Variants in CSMD1 observed in about 807,000 individuals in gnomAD.
CSMD1 encodes CUB and sushi domain-containing protein 1.
CSMD1 carries 213 observed loss-of-function variants against 417.5 expected under a neutral mutation model. The observed-to-expected ratio is 0.51, with a 90% confidence interval of 0.46 to 0.57. The LOEUF is 0.57. CSMD1 is among the 20% of genes least tolerant of loss of function. The pLI, the probability that CSMD1 is intolerant of heterozygous loss-of-function variation, is 0.00. For synonymous variants in CSMD1, 2,862 were observed against 1,736.8 expected, an observed-to-expected ratio of 1.65 and a Z score of -16.11; for missense variants, 6,923 against 4,529.7, an observed-to-expected ratio of 1.53 and a Z score of -15.17.
intron 3 of CSMD1, among the ~76,000 whole-genome samples, chr8:4,335,853 T>A (rs188518671): frequency 6.6e-6 from 1 of 152,050 alleles, no homozygotes; most frequent in African/African-American, 2.4e-5. Flanking sequence ...GTATCTAAGC[T>A]GGGGAGAACA....
At chr8:2,964,452 CT>C in intron 59 of CSMD1, among the ~76,000 whole-genome samples, 1 of 152,258 alleles carries the variant, frequency 6.6e-6, no homozygotes, top group East Asian at 1.9e-4. Context: ...CATGGGTCCC[CT>C]GGGGGCAGGG....
intron 3 of CSMD1, among the ~76,000 whole-genome samples, chr8:4,170,252 T>C (rs1797695187): frequency 6.6e-6 from 1 of 151,882 alleles, no homozygotes; most frequent in Admixed American, 6.5e-5. Context: ...CTTTCTCTTT[T>C]TGAATTACCC....
chr8:4,020,389 T>A (rs1218328181), intron 4 of CSMD1, among the ~76,000 whole-genome samples: 3 of 152,216 alleles, frequency 2.0e-5, no homozygotes, highest in Non-Finnish European at 4.4e-5. Flanking sequence ...ATCCTTAAAC[T>A]GACACTGAGC....
chr8:4,889,758 T>C (rs1194769514), intron 1 of CSMD1, among the ~76,000 whole-genome samples: 1 of 152,102 alleles, frequency 6.6e-6, no homozygotes, highest in Non-Finnish European at 1.5e-5. Flanking sequence ...ACATTATATT[T>C]TATGTATTCT....
At chr8:3,299,830 G>C (rs1306016544) in intron 25 of CSMD1, among the ~76,000 whole-genome samples, 2 of 152,148 alleles carry the variant, frequency 1.3e-5, no homozygotes, top group Non-Finnish European at 2.9e-5. Flanking sequence ...GATTGTTAAG[G>C]ACTGAAAAGC....
intron 3 of CSMD1, among the ~76,000 whole-genome samples, chr8:4,412,544 C>G (rs1341273006): frequency 6.6e-6 from 1 of 152,108 alleles, no homozygotes; most frequent in Non-Finnish European, 1.5e-5. Flanking sequence ...TACCCAGTCT[C>G]CGGTATTTCT....
chr8:2,954,055 G>T (rs1802827952), intron 65 of CSMD1, among the ~76,000 whole-genome samples, 169 bp downstream of exon 65: 1 of 152,204 alleles, frequency 6.6e-6, no homozygotes, highest in Non-Finnish European at 1.5e-5. Flanking sequence ...CCATTGTTGT[G>T]AAATAAACAG....
At position 3,468,748 on chromosome 8, in the gene CSMD1, T is replaced by A. The variant is rs747514744; in HGVS notation, c.1525A>T (p.Ser509Cys). 6.2e-7 allele frequency: 1 copy of A among 1,607,162 alleles called. No individual in the cohort carries two copies. Among genetic ancestry groups the A allele is most frequent in the Non-Finnish European group, 8.5e-7 (1 of 1,176,958 alleles). Reference sequence around the variant, plus strand: ...GCTTTAAACCCAGGTGAGCCAATGCTATCATCCGACTGCAGATGTAGCCAC... The same window carrying A: ...GCTTTAAACCCAGGTGAGCCAATGCAATCATCCGACTGCAGATGTAGCCAC... ...QMWLHLQSDD[S>C]IGSPGFKAVY... is the part of the protein sequence containing the mutation. The change falls in exon 12 of 70, where the codon AGC becomes TGC. Residue 509 changes from serine (S) to cysteine (C), a missense_variant. Coordinates refer to ENST00000635120, the MANE Select transcript of CSMD1 (RefSeq NM_033225.6).
At chr8:4,153,406 G>A (rs898402050) in intron 3 of CSMD1, among the ~76,000 whole-genome samples, 2 of 152,294 alleles carry the variant, frequency 1.3e-5, no homozygotes, top group Middle Eastern at 3.4e-3. Context: ...AGGTTCCCTA[G>A]CCTCATTCAT....
At position 3,168,588 on chromosome 8, in the gene CSMD1, C is replaced by G. The variant is rs565111663; in HGVS notation, c.5726-6311G>C. Among the ~76,000 whole-genome samples the G allele has an allele frequency of 2.6e-5, 4 of 151,668 alleles. No homozygotes were observed. The East Asian group carries it at 5.9e-4, about 22-fold the overall frequency. ...AGCTATAAATGTGGACCTCTGCACC[C>G]AGACTTCTATGTCACAGTGTGTAAG... On this transcript the variant is annotated intron_variant, in intron 37 of 69. Transcript: ENST00000635120.
intron 10 of CSMD1, among the ~76,000 whole-genome samples, chr8:3,530,410 G>A (rs1262941912): frequency 6.6e-6 from 1 of 151,944 alleles, no homozygotes; most frequent in East Asian, 1.9e-4. Flanking sequence ...TTTTTTCTTC[G>A]ATCTAATGAT....
In CSMD1 at chr8:4,420,030, CT is replaced by C. The variant is rs1797159530; in HGVS notation, c.337del (p.Ser113ValfsTer16). 6.3e-7 allele frequency: 1 copy of C among 1,580,064 alleles called. No homozygotes were observed. Among genetic ancestry groups the C allele is most frequent in the Non-Finnish European group, 8.6e-7 (1 of 1,161,810 alleles). The part of the protein sequence containing the change: ...SGFQLPSSIV[S>X]TGSILTLWFT... ...CCACAGAGTGAGGATAGATCCTGTA[CT>C]CACTATAGAGGAGGGCAGCTGAAAT... On this transcript the variant is annotated frameshift_variant, in exon 3 of 70. Coordinates refer to ENST00000635120, the MANE Select transcript of CSMD1 (RefSeq NM_033225.6). LOFTEE classifies it high-confidence loss of function.
At chr8:4,426,623 T>TATGTA (rs1797573993) in intron 2 of CSMD1, among the ~76,000 whole-genome samples, 1 of 145,200 alleles carries the variant, frequency 6.9e-6, no homozygotes, top group African/African-American at 2.5e-5. Flanking sequence ...TATTGTTTAC[T>TATGTA]ATATAATATA....
At chr8:4,453,093 G>A (rs1415791410) in intron 2 of CSMD1, among the ~76,000 whole-genome samples, 3 of 152,016 alleles carry the variant, frequency 2.0e-5, no homozygotes, top group Non-Finnish European at 4.4e-5. Context: ...TGGGGCTATA[G>A]ACAGGGAGCC....
intron 1 of CSMD1, among the ~76,000 whole-genome samples, chr8:4,722,593 G>A (rs1206615725): frequency 6.6e-6 from 1 of 152,034 alleles, no homozygotes; most frequent in African/African-American, 2.4e-5. Flanking sequence ...TTCCTTCTTG[G>A]AGGAGCCCTG....
intron 1 of CSMD1, among the ~76,000 whole-genome samples, chr8:4,991,957 C>T (rs1425086145): frequency 6.6e-6 from 1 of 152,152 alleles, no homozygotes; most frequent in African/African-American, 2.4e-5. Context: ...GCAGTGAGAG[C>T]TACGTCCGAG....
At chr8:4,320,774 T>G (rs1191870831) in intron 3 of CSMD1, among the ~76,000 whole-genome samples, 1 of 152,204 alleles carries the variant, frequency 6.6e-6, no homozygotes, top group Non-Finnish European at 1.5e-5. Context: ...GCATTTGGAT[T>G]GGTGATTCCT....
chr8:3,435,532 C>G (rs1479296163), intron 12 of CSMD1, among the ~76,000 whole-genome samples: 1 of 152,130 alleles, frequency 6.6e-6, no homozygotes, highest in Non-Finnish European at 1.5e-5. Context: ...TCCACTCTGT[C>G]CACCTCTCCG....
intron 10 of CSMD1, among the ~76,000 whole-genome samples, chr8:3,536,394 G>C (rs1029361693): frequency 1.3e-5 from 2 of 152,168 alleles, no homozygotes; most frequent in Non-Finnish European, 2.9e-5. Context: ...ATTCTACTAC[G>C]TGCAACTGTA....
Sources: allele counts gnomAD v4.1 joint callset (sites outside exome capture counted in the v4.1 genomes callset), GRCh38; gene constraint gnomAD v4.1.1; transcripts MANE v1.5; gene names NCBI Gene and HGNC (gene_info 2026-07-23, HGNC 2026-07-21).